The following PARD3B variants were observed in gnomAD, a reference collection of about 807,000 sequenced individuals.
The protein encoded by PARD3B is par-3 family cell polarity regulator beta.
Under a neutral mutation model 130.2 loss-of-function variants are expected in PARD3B, and 103 were observed. The observed-to-expected ratio is 0.79, with a 90% CI of 0.67 to 0.93. The LOEUF (loss-of-function observed/expected upper bound fraction) is 0.93, where lower values mean the gene tolerates loss of function less well. PARD3B is among the 40% of genes least tolerant of loss of function. The pLI, the probability that PARD3B is intolerant of heterozygous loss-of-function variation, is 0.00. For synonymous variants in PARD3B, 583 were observed against 553.2 expected (o/e 1.05, Z -0.76); for missense variants, 1,609 against 1,499.2 (o/e 1.07, Z -1.21).
At position 205,558,732 on chromosome 2, in the gene PARD3B, ACCTG is replaced by A. The variant is rs553633785; in HGVS notation, c.3260+5333_3260+5336del. On this transcript the variant is annotated intron_variant, in intron 22 of 22. Transcript: ENST00000406610. This position sits in a 1 kb window ranked among gnomAD's most constrained non-coding sequence, Gnocchi z 4.8. The stretch of plus-strand genomic sequence containing the variant: ...CCGTCTCTATGATGATTCCAAAAGT[ACCTG>A]CCTAACATTCATGTCCCACTCTTGT... Among the ~76,000 whole-genome samples, 176 of 152,164 alleles carry A rather than the reference ACCTG, an allele frequency of 1.2e-3. No individual in the cohort carries two copies. The highest frequency in any genetic ancestry group is 4.0e-3 in the African/African-American group (167 of 41,508).
At chr2:204,558,302 G>A (rs568932553) in intron 1 of PARD3B, 2 of 152,146 alleles carry the variant, frequency 1.3e-5, no homozygotes, top group African/African-American at 4.8e-5. Flanking sequence ...AAACCCCATT[G>A]TCTCAGCTCA....
intron 21 of PARD3B, among the ~76,000 whole-genome samples, chr2:205,532,906 A>C (rs997624408): frequency 1.3e-5 from 2 of 152,188 alleles, no homozygotes; most frequent in Non-Finnish European, 2.9e-5. Context: ...ATAGATAGAT[A>C]CATCTATAAA....
At chr2:204,698,816 T>C (rs1189637618) in intron 2 of PARD3B, among the ~76,000 whole-genome samples, 1 of 152,066 alleles carries the variant, frequency 6.6e-6, no homozygotes, top group East Asian at 1.9e-4. Context: ...GCGTTCCTCC[T>C]TTTTATTTTA....
intron 2 of PARD3B, among the ~76,000 whole-genome samples, chr2:204,888,992 T>G (rs1228412271): frequency 6.6e-6 from 1 of 152,180 alleles, no homozygotes; most frequent in African/African-American, 2.4e-5. Flanking sequence ...GAATATTATG[T>G]GCAGTGCCAG....
chr2:204,886,992 G>T (rs775120436), intron 2 of PARD3B, among the ~76,000 whole-genome samples: 3 of 152,076 alleles, frequency 2.0e-5, no homozygotes, highest in Non-Finnish European at 4.4e-5. Flanking sequence ...AGGCCCACAG[G>T]GTATGTATCA....
intron 18 of PARD3B, among the ~76,000 whole-genome samples, chr2:205,369,883 T>C (rs746283279): frequency 6.6e-6 from 1 of 152,210 alleles, no homozygotes; most frequent in African/African-American, 2.4e-5. Flanking sequence ...AAAATAGAGA[T>C]TATATGCTTT....
rs889697018 is a variant in PARD3B at position 204,887,389 on chromosome 2, G to A, written c.223-77763G>A. On this transcript the variant is annotated intron_variant, in intron 2 of 22. Transcript: ENST00000406610. This position sits in a 1 kb window ranked among gnomAD's most constrained non-coding sequence, Gnocchi z 4.2. Reference sequence around the variant, plus strand: ...TTACTGAAGCCGAAGCCATTACTTGGTTGTGATTTACACAGGGAAATGGTG... The same window carrying A: ...TTACTGAAGCCGAAGCCATTACTTGATTGTGATTTACACAGGGAAATGGTG... 6.6e-6 allele frequency among the ~76,000 whole-genome samples: 1 copy of A among 152,134 alleles called. No individual in the cohort carries two copies. The highest frequency in any genetic ancestry group is 6.6e-5 in the Admixed American group (1 of 15,262).
At chr2:205,271,798 A>G (rs2040737230) in intron 16 of PARD3B, among the ~76,000 whole-genome samples, 1 of 152,218 alleles carries the variant, frequency 6.6e-6, no homozygotes, top group Non-Finnish European at 1.5e-5. Context: ...ATCAGACTTA[A>G]AAGTTATTTA....
intron 15 of PARD3B, among the ~76,000 whole-genome samples, chr2:205,211,319 T>A (rs1231832623): frequency 6.6e-6 from 1 of 152,026 alleles, no homozygotes; most frequent in Non-Finnish European, 1.5e-5. Context: ...TATCCATACA[T>A]ACAATAGATG....
intron 10 of PARD3B, among the ~76,000 whole-genome samples, chr2:205,136,018 C>T (rs1184101943): frequency 1.3e-5 from 2 of 152,092 alleles, no homozygotes; most frequent in Non-Finnish European, 1.5e-5. Context: ...AAATCTGTCC[C>T]GGATGGCAGG....
chr2:204,732,083 GT>G (rs11359656), intron 2 of PARD3B, among the ~76,000 whole-genome samples: 104,154 of 145,634 alleles, frequency 0.72, 37,458 homozygotes, highest in Middle Eastern at 0.84. Flanking sequence ...AATAATTGTG[GT>G]TTTTTTTTTT....
intron 2 of PARD3B, among the ~76,000 whole-genome samples, chr2:204,812,910 G>T (rs901631877): frequency 1.3e-5 from 2 of 152,206 alleles, no homozygotes; most frequent in South Asian, 2.1e-4. Flanking sequence ...GGGGTAGGGG[G>T]TCTCCTGCCA....
intron 2 of PARD3B, among the ~76,000 whole-genome samples, chr2:204,825,202 A>T (rs754734324): frequency 6.6e-5 from 10 of 152,192 alleles, no homozygotes; most frequent in Non-Finnish European, 1.5e-4. Context: ...CAAGCATGAA[A>T]GCAGTTGATT....
intron 15 of PARD3B, among the ~76,000 whole-genome samples, chr2:205,215,805 G>A (rs62172740): frequency 6.6e-6 from 1 of 151,836 alleles, no homozygotes; most frequent in Non-Finnish European, 1.5e-5. Flanking sequence ...TAAAAGACTT[G>A]ACCAAGATGG....
intron 3 of PARD3B, among the ~76,000 whole-genome samples, chr2:204,984,832 G>A (rs1692990853): frequency 6.6e-6 from 1 of 152,114 alleles, no homozygotes; most frequent in Admixed American, 6.5e-5. Flanking sequence ...CCGAGCTTAA[G>A]TCTGGCAGAA....
intron 18 of PARD3B, among the ~76,000 whole-genome samples, chr2:205,390,492 T>C (rs1481003273): frequency 3.3e-5 from 5 of 152,240 alleles, no homozygotes; most frequent in Non-Finnish European, 7.3e-5. Flanking sequence ...ATTAATTCGG[T>C]ATGCTAGAGA....
intron 2 of PARD3B, among the ~76,000 whole-genome samples, chr2:204,718,936 T>G (rs548000983): frequency 2.0e-5 from 3 of 152,218 alleles, no homozygotes; most frequent in Non-Finnish European, 4.4e-5. Flanking sequence ...TGATTACTCC[T>G]GACATATTTA....
rs753807020 is a variant in PARD3B, at chr2:205,421,681, A to G, written c.2742-18689A>G. On this transcript the variant is annotated intron_variant, in intron 19 of 22. Coordinates refer to ENST00000406610, the MANE Select transcript of PARD3B (RefSeq NM_001302769.2). The surrounding 1 kb of genome is among the most constrained non-coding windows in gnomAD (Gnocchi z 5.1). ...TGTAACAAATTACCACATACTTGGT[A>G]TCATAAAACAACATAAATTTATTCT... Among the ~76,000 whole-genome samples, 2 of 152,208 alleles carry G rather than the reference A, an allele frequency of 1.3e-5. No homozygotes were observed. The highest frequency in any genetic ancestry group is 3.2e-3 in the Middle Eastern group (1 of 316).
At chr2:205,303,313 C>G (rs1376586171) in intron 18 of PARD3B, among the ~76,000 whole-genome samples, 1 of 152,166 alleles carries the variant, frequency 6.6e-6, no homozygotes, top group African/African-American at 2.4e-5. Context: ...ATCTGGCCAT[C>G]AAGGAATCTT....
Sources: gnomAD v4.1 joint callset for allele counts (sites outside exome capture counted in the v4.1 genomes callset) on GRCh38, gnomAD v4.1.1 for gene constraint, Gnocchi (gnomAD v3.1) non-coding constraint, MANE v1.5 for transcripts, NCBI Gene and HGNC (gene_info 2026-07-23, HGNC 2026-07-21) for gene names.